Variants in TTC7A observed in about 807,000 individuals in gnomAD.
TTC7A encodes the protein tetratricopeptide repeat protein 7A.
Under a neutral mutation model 103.7 loss-of-function variants are expected in TTC7A, and 110 were observed. The ratio of observed to expected loss-of-function variants is 1.06; its 90% CI spans 0.91 to 1.24. The LOEUF (loss-of-function observed/expected upper bound fraction) is 1.24, where lower values mean the gene tolerates loss of function less well. TTC7A is among the 50% of genes most tolerant of loss of function. TTC7A has a pLI of 0.00. For missense variants in TTC7A, 1,340 were observed against 1,116.3 expected, an observed-to-expected ratio of 1.20 and a Z score of -2.86; for synonymous variants, 521 against 467.9, an observed-to-expected ratio of 1.11 and a Z score of -1.47.
intron 3 of TTC7A, among the ~76,000 whole-genome samples, chr2:46,961,776 A>G (rs1382171231): frequency 6.6e-6 from 1 of 151,672 alleles, no homozygotes; most frequent in Non-Finnish European, 1.5e-5. Context: ...TTAGCTGGTC[A>G]TGGTGGCATG....
At chr2:47,025,368 C>T (rs771554204) in intron 14 of TTC7A, among the ~76,000 whole-genome samples, 35 of 152,190 alleles carry the variant, frequency 2.3e-4, no homozygotes, top group Non-Finnish European at 3.7e-4. Context: ...CCCACGGGGT[C>T]TAGGTACCCC....
At chr2:46,975,855 G>A (rs1340827867) in intron 4 of TTC7A, among the ~76,000 whole-genome samples, 1 of 151,988 alleles carries the variant, frequency 6.6e-6, no homozygotes, top group South Asian at 2.1e-4. Context: ...TTCTGCCTCA[G>A]CCTTTCGAGT....
intron 14 of TTC7A, among the ~76,000 whole-genome samples, chr2:47,026,728 G>C (rs972969560): frequency 6.6e-6 from 1 of 152,182 alleles, no homozygotes; most frequent in African/African-American, 2.4e-5. Context: ...CTTTAAAAGT[G>C]TTTGTTCCAC....
intron 18 of TTC7A, chr2:47,054,036 C>T: frequency 1.1e-6 from 1 of 886,128 alleles, no homozygotes; most frequent in Non-Finnish European, 1.4e-6. Flanking sequence ...AAGAGAAACA[C>T]ATGCCTTTCA....
In TTC7A at chr2:47,023,409, C is replaced by T. The variant is rs911985240; in HGVS notation, c.1512C>T (p.Ala504=). The change falls in exon 13 of 20, where the codon GCC becomes GCT. Residue 504 remains alanine (A), a splice_region_variant and synonymous_variant. Coordinates refer to ENST00000319190, the MANE Select transcript of TTC7A (RefSeq NM_020458.4). ...CAGTTTCTGTCCTGTCCCCTGCAGC[C>T]ACCCTGAAGTCCAAGCAAGATGAAT... ...GLTYSLQATD[A]TLKSKQDELH... is the part of the protein sequence containing the mutation. 7 of 1,614,014 alleles carry T rather than the reference C, an allele frequency of 4.3e-6. No homozygotes were observed. The African/African-American group carries it at 6.7e-5, about 15-fold the overall frequency.
intron 8 of TTC7A, 36 bp downstream of exon 8, chr2:46,995,235 C>T (rs776396278): frequency 3.0e-5 from 49 of 1,610,190 alleles, no homozygotes; most frequent in Non-Finnish European, 3.7e-5. Flanking sequence ...GCCTCTGGCC[C>T]TCTGACCCTG....
intron 8 of TTC7A, among the ~76,000 whole-genome samples, chr2:46,996,310 G>A (rs1018922923): frequency 5.9e-5 from 9 of 152,220 alleles, no homozygotes; most frequent in African/African-American, 2.2e-4. Flanking sequence ...CAGAGCTGGT[G>A]AGCTGGGAAC....
At chr2:46,946,696 A>G (rs1478834507) in intron 1 of TTC7A, among the ~76,000 whole-genome samples, 2 of 152,210 alleles carry the variant, frequency 1.3e-5, no homozygotes, top group African/African-American at 4.8e-5. Flanking sequence ...TGCTGGGATT[A>G]TAGGCATAAG....
At chr2:47,024,891 C>T (rs538558386) in intron 14 of TTC7A, among the ~76,000 whole-genome samples, 1 of 152,188 alleles carries the variant, frequency 6.6e-6, no homozygotes, top group African/African-American at 2.4e-5. Flanking sequence ...CGCCTTTTCC[C>T]CAGGGGTGCT....
chr2:47,048,067 C>T (rs1682506049), intron 16 of TTC7A, among the ~76,000 whole-genome samples: 3 of 152,184 alleles, frequency 2.0e-5, no homozygotes, highest in Admixed American at 6.5e-5. Context: ...TCCCTGACCC[C>T]CTTCCTCTGC....
intron 2 of TTC7A, among the ~76,000 whole-genome samples, chr2:46,953,450 C>T (rs377547648): frequency 6.6e-6 from 1 of 152,102 alleles, no homozygotes; most frequent in East Asian, 1.9e-4. Flanking sequence ...CCACCATGCC[C>T]GGCCATCATT....
Position 47,019,206 on chromosome 2 carries a change from T to C in TTC7A, c.1393-2656T>C, listed in dbSNP as rs189443338. 1.4e-3 allele frequency among the ~76,000 whole-genome samples: 208 copies of C among 152,268 alleles called. 1 individual carries two copies. Among genetic ancestry groups the C allele is most frequent in the African/African-American group, 4.8e-3 (201 of 41,562 alleles). On this transcript the variant is annotated intron_variant, in intron 11 of 19. Transcript: ENST00000319190. ...TCCTAATCACTGCTATGACTCTGCATGCAAAAAGCCTGCCTTGTAGTATGG... is the reference window on the plus strand; with the variant it reads ...TCCTAATCACTGCTATGACTCTGCACGCAAAAAGCCTGCCTTGTAGTATGG...
In TTC7A at chr2:47,046,441, C is replaced by A. The variant is rs201704252; in HGVS notation, c.1919+10C>A. On this transcript the variant is annotated intron_variant, in intron 16 of 19. Coordinates refer to ENST00000319190, the MANE Select transcript of TTC7A (RefSeq NM_020458.4). ...GCTTCTCCCAGCTGGGGTGAGTGGCCGTCATTGTCTCTTGGGTTGCCAGAG... is the reference window on the plus strand; with the variant it reads ...GCTTCTCCCAGCTGGGGTGAGTGGCAGTCATTGTCTCTTGGGTTGCCAGAG... 2 of 1,609,650 alleles carry A rather than the reference C, an allele frequency of 1.2e-6. No individual in the cohort carries two copies. Among genetic ancestry groups the A allele is most frequent in the Non-Finnish European group, 8.5e-7 (1 of 1,176,090 alleles).
At chr2:46,995,904 G>A (rs557027458) in intron 8 of TTC7A, among the ~76,000 whole-genome samples, 4 of 152,214 alleles carry the variant, frequency 2.6e-5, no homozygotes, top group South Asian at 2.1e-4. Flanking sequence ...GGATGTCCAC[G>A]CGTGAATGCT....
At chr2:47,060,186 G>A (rs1683648150) in intron 18 of TTC7A, among the ~76,000 whole-genome samples, 1 of 151,904 alleles carries the variant, frequency 6.6e-6, no homozygotes, top group South Asian at 2.1e-4. Flanking sequence ...AGGAGTTCGA[G>A]ACCAGCCTGA....
intron 2 of TTC7A, among the ~76,000 whole-genome samples, chr2:46,934,312 G>A (rs1669855623): frequency 6.6e-6 from 1 of 152,208 alleles, no homozygotes; most frequent in Non-Finnish European, 1.5e-5. Context: ...AGGCTGGAGT[G>A]CAGTGGCACA....
intron 3 of TTC7A, among the ~76,000 whole-genome samples, chr2:46,957,419 T>C (rs1671971765): frequency 6.6e-6 from 1 of 152,238 alleles, no homozygotes. Context: ...GCAGGCTGGC[T>C]CTGCTGACTG....
chr2:46,977,700 C>G (rs1674013538), intron 4 of TTC7A, among the ~76,000 whole-genome samples: 1 of 152,144 alleles, frequency 6.6e-6, no homozygotes, highest in Admixed American at 6.5e-5. Flanking sequence ...AGTTTGAGGT[C>G]CGGACTGACA....
At chr2:47,015,191 C>T (rs1472647040) in intron 11 of TTC7A, among the ~76,000 whole-genome samples, 1 of 152,228 alleles carries the variant, frequency 6.6e-6, no homozygotes, top group African/African-American at 2.4e-5. Flanking sequence ...CTTGGCATGC[C>T]CAGCCTCCTG....
Sources: gnomAD v4.1 joint callset for allele counts (sites outside exome capture counted in the v4.1 genomes callset) on GRCh38, gnomAD v4.1.1 for gene constraint, MANE v1.5 for transcripts, NCBI Gene and HGNC (gene_info 2026-07-23, HGNC 2026-07-21) for gene names.